Variants in RGS9 observed in about 807,000 individuals in gnomAD.
The protein encoded by RGS9 is regulator of G-protein signalling 9.
In RGS9, 78 loss-of-function variants were observed where a neutral mutation model predicts 102.0. The ratio of observed to expected loss-of-function variants is 0.76; its 90% confidence interval spans 0.64 to 0.92. The LOEUF (loss-of-function observed/expected upper bound fraction) is 0.92, where lower values mean the gene tolerates loss of function less well. RGS9 is among the 40% of genes least tolerant of loss of function. The probability of loss-of-function intolerance (pLI) is 0.00; values close to 1 mark genes in which losing one functional copy is unlikely to be tolerated. For synonymous variants in RGS9, 353 were observed against 318.6 expected (o/e 1.11, Z -1.15); for missense variants, 833 against 866.1 (o/e 0.96, Z 0.48).
Position 65,225,295 on chromosome 17 carries a change from C to T in RGS9, c.1701C>T (p.Arg567=), listed in dbSNP as rs760408581. ...SEASLDTSWP[R]SRPRAPPKAR... ...CCTCCCTCGACACCTCCTGGCCTCG[C>T]AGCCGGCCCAGGGCCCCTCCTAAGG... Residue 567 remains arginine, a synonymous_variant, in exon 18 of 19, where the codon CGC becomes CGT. Transcript: ENST00000262406. The T allele has an allele frequency of 2.5e-6, 4 of 1,609,060 alleles. No homozygotes were observed. Among genetic ancestry groups the T allele is most frequent in the Non-Finnish European group, 3.4e-6 (4 of 1,179,906 alleles).
intron 2 of RGS9, among the ~76,000 whole-genome samples, chr17:65,156,625 ACCGCG>A (rs1910777355): frequency 6.6e-6 from 1 of 152,212 alleles, no homozygotes; most frequent in Admixed American, 6.5e-5. Flanking sequence ...GTCAACGTAG[ACCGCG>A]TGGTACAGAT....
chr17:65,147,330 G>C (rs1057072098), intron 1 of RGS9, among the ~76,000 whole-genome samples: 1 of 152,198 alleles, frequency 6.6e-6, no homozygotes, highest in Non-Finnish European at 1.5e-5. Context: ...GGCCTCAGCT[G>C]TGTACCTGCC....
At chr17:65,191,393 T>G (rs901317121) in intron 11 of RGS9, among the ~76,000 whole-genome samples, 4 of 152,000 alleles carry the variant, frequency 2.6e-5, no homozygotes, top group Non-Finnish European at 5.9e-5. Context: ...TTGTTGTTGT[T>G]TTTTACCTCC....
intron 17 of RGS9, among the ~76,000 whole-genome samples, chr17:65,219,377 T>C (rs1913622639): frequency 6.6e-6 from 1 of 152,228 alleles, no homozygotes; most frequent in African/African-American, 2.4e-5. Context: ...CAGCTTCTCC[T>C]GCTAATGTTT....
At chr17:65,166,188 GGCCTGGCCTCAGAAATTAGTGCCAT>G (rs1482961097) in intron 7 of RGS9, among the ~76,000 whole-genome samples, 1 of 152,134 alleles carries the variant, frequency 6.6e-6, no homozygotes, top group East Asian at 1.9e-4. Flanking sequence ...CACCTTTTAT[GGCCTGGCCTCAGAAATTAGTGCCAT>G]GCCTGACGTC....
intron 3 of RGS9, 65 bp from the exon 4 acceptor site, chr17:65,160,168 G>C (rs1393181395): frequency 1.6e-6 from 2 of 1,266,492 alleles, no homozygotes; most frequent in East Asian, 4.6e-5. Context: ...GGTGCCGTGG[G>C]GGCCGGCAAT....
At chr17:65,204,436 C>T in intron 15 of RGS9, 135 bp downstream of exon 15, 3 of 1,018,696 alleles carry the variant, frequency 2.9e-6, no homozygotes, top group Non-Finnish European at 3.0e-6. Context: ...TGCAGCTAAG[C>T]ATGGGGGCTC....
intron 11 of RGS9, 45 bp downstream of exon 11, chr17:65,190,281 T>A: frequency 6.8e-7 from 1 of 1,472,744 alleles, no homozygotes; most frequent in Non-Finnish European, 9.5e-7. Context: ...GATGAACAGG[T>A]AGACAAGAGG....
intron 1 of RGS9, among the ~76,000 whole-genome samples, chr17:65,147,062 C>T (rs1170621341): frequency 1.3e-5 from 2 of 152,212 alleles, no homozygotes; most frequent in African/African-American, 2.4e-5. Flanking sequence ...CGCAAACACC[C>T]TCCTGGCGTT....
intron 1 of RGS9, among the ~76,000 whole-genome samples, chr17:65,149,193 C>T (rs1297052902): frequency 2.6e-5 from 4 of 151,708 alleles, no homozygotes; most frequent in Non-Finnish European, 4.4e-5. Flanking sequence ...AGGCTGGTCT[C>T]GAACTCCTGA....
At chr17:65,142,207 G>A (rs1274080483) in intron 1 of RGS9, among the ~76,000 whole-genome samples, 1 of 152,098 alleles carries the variant, frequency 6.6e-6, no homozygotes, top group Non-Finnish European at 1.5e-5. Flanking sequence ...TCATGCCACC[G>A]CACTCCAGCC....
At chr17:65,188,007 A>G (rs1287737835) in intron 9 of RGS9, among the ~76,000 whole-genome samples, 4 of 152,124 alleles carry the variant, frequency 2.6e-5, no homozygotes, top group African/African-American at 9.7e-5. Context: ...AACAACAGCA[A>G]TAACAACAAC....
chr17:65,144,258 C>T (rs1484007807), intron 1 of RGS9, among the ~76,000 whole-genome samples: 1 of 152,148 alleles, frequency 6.6e-6, no homozygotes, highest in African/African-American at 2.4e-5. Context: ...TATTATTGTT[C>T]CCCCGGGTGC....
intron 9 of RGS9, among the ~76,000 whole-genome samples, chr17:65,182,723 G>T (rs4791225): frequency 0.14 from 21,424 of 152,144 alleles, 2,845 homozygotes; most frequent in African/African-American, 0.3. Context: ...GTAGCTCATG[G>T]GCCTCCCTGA....
chr17:65,181,605 C>G (rs1911887942), intron 9 of RGS9, among the ~76,000 whole-genome samples: 1 of 152,220 alleles, frequency 6.6e-6, no homozygotes, highest in Non-Finnish European at 1.5e-5. Flanking sequence ...GAACCCCCAA[C>G]TCCTGCACCC....
At chr17:65,196,064 A>T (rs1912572559) in intron 12 of RGS9, among the ~76,000 whole-genome samples, 1 of 152,220 alleles carries the variant, frequency 6.6e-6, no homozygotes, top group Non-Finnish European at 1.5e-5. Context: ...GCTTCTTACT[A>T]ATTATGTGAG....
chr17:65,168,389 G>A lies in RGS9; in HGVS notation c.582+108G>A, dbSNP rs904617098. 14 of 782,216 alleles carry A rather than the reference G, an allele frequency of 1.8e-5. No homozygotes were observed. The African/African-American group carries it at 2.2e-4, about 12-fold the overall frequency. The allele number at this position is 782,216 out of a possible 1,614,324, so 48.5% of individuals were successfully genotyped here. On this transcript the variant is annotated intron_variant, in intron 8 of 18. Coordinates refer to ENST00000262406, the MANE Select transcript of RGS9 (RefSeq NM_003835.4). ...TCCTCTTTCTCTAGGGCGAGAATTG[G>A]ATCAGCAGGAGGAGCTGCTCAGTGT...
chr17:65,149,404 C>A (rs1910495852), intron 1 of RGS9, among the ~76,000 whole-genome samples: 1 of 152,176 alleles, frequency 6.6e-6, no homozygotes, highest in African/African-American at 2.4e-5. Context: ...AGACTCCTAG[C>A]TTTCATATTA....
At chr17:65,180,417 C>T (rs918765532) in intron 9 of RGS9, among the ~76,000 whole-genome samples, 8 of 151,998 alleles carry the variant, frequency 5.3e-5, no homozygotes, top group Non-Finnish European at 1.0e-4. Context: ...GGCGTGATCT[C>T]GGCTCACTGC....
Sources: gnomAD v4.1 joint callset for allele counts (sites outside exome capture counted in the v4.1 genomes callset) on GRCh38, gnomAD v4.1.1 for gene constraint, MANE v1.5 for transcripts, NCBI Gene and HGNC (gene_info 2026-07-23, HGNC 2026-07-21) for gene names.